Variants in BCL7B observed in about 807,000 individuals in gnomAD.
BCL7B encodes the protein B-cell CLL/lymphoma 7 protein family member B.
BCL7B carries 11 observed loss-of-function variants against 26.5 expected under a neutral mutation model. The ratio of observed to expected loss-of-function variants is 0.42; its 90% CI spans 0.26 to 0.69. BCL7B has a LOEUF of 0.69. Among genes scored for constraint, BCL7B ranks in the 30% least tolerant of loss-of-function variants. The probability of loss-of-function intolerance (pLI) is 0.28; values close to 1 mark genes in which losing one functional copy is unlikely to be tolerated. For missense variants in BCL7B, 215 were observed against 264.4 expected (o/e 0.81, Z 1.30); for synonymous variants, 111 against 107.9 (o/e 1.03, Z -0.18).
intron 1 of BCL7B, among the ~76,000 whole-genome samples, chr7:73,556,185 T>C (rs559159071): frequency 2.8e-3 from 421 of 152,272 alleles, no homozygotes; most frequent in Non-Finnish European, 4.7e-3. Context: ...CAACTATATA[T>C]GAAGCCCTCA....
rs782139891 is a variant in BCL7B, at chr7:73,547,472, AAAAG to A, written c.169-3832_169-3829del. Among the ~76,000 whole-genome samples the A allele has an allele frequency of 4.1e-4, 63 of 152,144 alleles. 1 individual carries two copies. Among genetic ancestry groups the A allele is most frequent in the Non-Finnish European group, 8.8e-5 (6 of 68,032 alleles). On this transcript the variant is annotated intron_variant, in intron 2 of 5. Coordinates refer to ENST00000223368, the MANE Select transcript of BCL7B (RefSeq NM_001707.4). The stretch of plus-strand genomic sequence containing the variant: ...AGTGAGACAGTCTCAAAAAAAAAGG[AAAAG>A]AAATATTACAGGATATTTTGAGGGA...
chr7:73,542,547 T>C (rs1791805534), intron 3 of BCL7B, among the ~76,000 whole-genome samples: 1 of 152,208 alleles, frequency 6.6e-6, no homozygotes, highest in Non-Finnish European at 1.5e-5. Context: ...TCCCTGAGCA[T>C]CAGTTTCCTT....
At chr7:73,555,458 G>A (rs746698048) in intron 1 of BCL7B, among the ~76,000 whole-genome samples, 16 of 151,868 alleles carry the variant, frequency 1.1e-4, no homozygotes, top group Non-Finnish European at 1.9e-4. Context: ...ATACAACTGT[G>A]GAAAGGTCTA....
rs113146366 is a variant in BCL7B at position 73,537,109 on chromosome 7, T to G, written c.*189A>C. ...GAGCGCTCCTCTTCTCGGGAGCAAG[T>G]AGACACAGGTGCCAGGGTCAGGAAG... is the stretch of plus-strand genomic sequence containing the variant. On this transcript the variant is annotated 3_prime_UTR_variant, in exon 6 of 6. Transcript: ENST00000223368. 3 of 517,880 alleles carry G rather than the reference T, an allele frequency of 5.8e-6. No individual in the cohort carries two copies. The highest frequency in any genetic ancestry group is 3.8e-5 in the African/African-American group (2 of 52,728). The allele number at this position is 517,880 out of a possible 1,614,324, so 32.1% of individuals were successfully genotyped here.
intron 2 of BCL7B, among the ~76,000 whole-genome samples, chr7:73,551,130 C>A (rs763310930): frequency 3.9e-5 from 6 of 152,116 alleles, no homozygotes; most frequent in Non-Finnish European, 8.8e-5. Flanking sequence ...GGGGACTAAT[C>A]GCATAAGAGC....
At chr7:73,545,601 CCT>C (rs1554583416) in intron 2 of BCL7B, among the ~76,000 whole-genome samples, 2 of 152,094 alleles carry the variant, frequency 1.3e-5, no homozygotes, top group Non-Finnish European at 1.5e-5. Context: ...ACCTTTGACC[CCT>C]GTGGGTAATG....
In BCL7B at chr7:73,537,232, C is replaced by T. The variant is rs868932043; in HGVS notation, c.*66G>A. 2.6e-5 allele frequency: 40 copies of T among 1,528,474 alleles called. No homozygotes were observed. In the Middle Eastern group the frequency reaches 2.0e-3, roughly 77 times the overall value. 94.7% of individuals were successfully genotyped at this position (1,528,474 alleles called of 1,614,324 possible). A position where few individuals can be genotyped will look rare whatever the true frequency, so the allele number is the denominator to read the frequency against. On this transcript the variant is annotated 3_prime_UTR_variant, in exon 6 of 6. Transcript: ENST00000223368. ...AGTGCTTGCCCTTACCCCAGCAACG[C>T]GGCGCGGCCAGAACCAGAATGCAAT...
chr7:73,540,429 G>C (rs970632836), intron 3 of BCL7B: 3 of 189,858 alleles, frequency 1.6e-5, no homozygotes, highest in Non-Finnish European at 3.4e-5. Context: ...GGAGGCTGGT[G>C]GTGTCTGAAG....
intron 1 of BCL7B, among the ~76,000 whole-genome samples, chr7:73,555,183 A>G (rs1792316245): frequency 6.6e-6 from 1 of 152,010 alleles, no homozygotes; most frequent in African/African-American, 2.4e-5. Flanking sequence ...TGGTGGGAGG[A>G]CCACTTGGAA....
At chr7:73,547,985 C>T (rs1554583625) in intron 2 of BCL7B, among the ~76,000 whole-genome samples, 1 of 151,980 alleles carries the variant, frequency 6.6e-6, no homozygotes, top group African/African-American at 2.4e-5. Flanking sequence ...CTGGGTGTGG[C>T]AGCATGCACC....
chr7:73,545,843 G>A (rs782743919), intron 2 of BCL7B, among the ~76,000 whole-genome samples: 36 of 152,028 alleles, frequency 2.4e-4, no homozygotes, highest in Non-Finnish European at 4.4e-4. Flanking sequence ...TTACAGAAAG[G>A]AAAACTGGCC....
At position 73,537,409 on chromosome 7, in the gene BCL7B, T is replaced by C. The variant is rs1035725737; in HGVS notation, c.517-19A>G. The C allele has an allele frequency of 5.6e-6, 9 of 1,607,620 alleles. No homozygotes were observed. Among genetic ancestry groups the C allele is most frequent in the Non-Finnish European group, 7.7e-6 (9 of 1,174,492 alleles). ...CAACGACCTAGGAGCAGGCAGAGCA[T>C]GGAATGCCAGGGCCACCCCTCCCAA... On this transcript the variant is annotated intron_variant, in intron 5 of 5. Coordinates refer to ENST00000223368, the MANE Select transcript of BCL7B (RefSeq NM_001707.4).
At chr7:73,543,675 G>C (rs1257767626) in intron 2 of BCL7B, 31 bp from the exon 3 acceptor site, 3 of 1,571,658 alleles carry the variant, frequency 1.9e-6, no homozygotes, top group Non-Finnish European at 1.7e-6. Context: ...GAATATGACA[G>C]AGCCAAGCAG....
At chr7:73,551,324 G>T (rs1207688453) in intron 2 of BCL7B, among the ~76,000 whole-genome samples, 4 of 152,156 alleles carry the variant, frequency 2.6e-5, no homozygotes, top group African/African-American at 9.7e-5. Context: ...TTTCGAGATG[G>T]TGTGTCACAC....
At chr7:73,554,624 C>T (rs1015653548) in intron 1 of BCL7B, among the ~76,000 whole-genome samples, 5 of 151,632 alleles carry the variant, frequency 3.3e-5, no homozygotes, top group Non-Finnish European at 5.9e-5. Flanking sequence ...ATGGTGAAAT[C>T]CTGTCCTCAC....
chr7:73,557,637 G>C lies in BCL7B; in HGVS notation c.-59C>G, dbSNP rs1792428791. 9.6e-7 allele frequency: 1 copy of C among 1,043,346 alleles called. No homozygotes were observed. The highest frequency in any genetic ancestry group is 4.7e-5 in the South Asian group (1 of 21,436). 64.6% of individuals were successfully genotyped at this position (1,043,346 alleles called of 1,614,324 possible). On this transcript the variant is annotated 5_prime_UTR_variant, in exon 1 of 6. Transcript: ENST00000223368. ...GCTCCCAAGACACCGGGGATCGCGC[G>C]CCTCACGCGCCGCCGCCCGCCCGCC...
intron 2 of BCL7B, 129 bp downstream of exon 2, chr7:73,552,038 A>C: frequency 1.5e-6 from 1 of 682,856 alleles, no homozygotes; most frequent in Non-Finnish European, 2.4e-6. Context: ...GGTTGCAGTG[A>C]GCCAAGATCA....
chr7:73,536,945 C>T lies in BCL7B; in HGVS notation c.*353G>A, dbSNP rs1388541507. ...GAGGCACGCTCTCTTCTAGAAGGTG[C>T]CTTCCACATCTCTCTCTTCTCGCAG... On this transcript the variant is annotated 3_prime_UTR_variant, in exon 6 of 6. Transcript: ENST00000223368. The T allele has an allele frequency of 2.3e-5, 5 of 221,332 alleles. No individual in the cohort carries two copies. In the South Asian group the frequency reaches 4.2e-4, roughly 19 times the overall value. The allele number at this position is 221,332 out of a possible 1,614,324, so 13.7% of individuals were successfully genotyped here.
At chr7:73,543,720 C>T (rs1554583209) in intron 2 of BCL7B, 76 bp from the exon 3 acceptor site, 6 of 1,174,072 alleles carry the variant, frequency 5.1e-6, no homozygotes, top group Non-Finnish European at 7.5e-6. Flanking sequence ...TGCTATGTGA[C>T]AGACCACAGA....
Sources: gnomAD v4.1 joint callset for allele counts (sites outside exome capture counted in the v4.1 genomes callset) on GRCh38, gnomAD v4.1.1 for gene constraint, MANE v1.5 for transcripts, NCBI Gene and HGNC (gene_info 2026-07-23, HGNC 2026-07-21) for gene names.